Variants in PSD3 observed in about 807,000 individuals in gnomAD.
PSD3 encodes pleckstrin and Sec7 domain containing 3, also known as PH and SEC7 domain-containing protein 3.
A neutral mutation model predicts 105.5 loss-of-function variants in PSD3; 49 were observed. The ratio of observed to expected loss-of-function variants is 0.46; its 90% CI spans 0.37 to 0.59. PSD3 has a LOEUF of 0.59. PSD3 is among the 20% of genes least tolerant of loss of function. The pLI, the probability that PSD3 is intolerant of heterozygous loss-of-function variation, is 0.00. For missense variants in PSD3, 1,561 were observed against 1,263.8 expected (o/e 1.24, Z -3.57); for synonymous variants, 557 against 457.8 (o/e 1.22, Z -2.77).
chr8:19,010,269 C>G (rs1467440036), intron 1 of PSD3, among the ~76,000 whole-genome samples: 1 of 152,168 alleles, frequency 6.6e-6, no homozygotes, highest in African/African-American at 2.4e-5. Flanking sequence ...AGAAAATGCT[C>G]TGCCACCTCT....
At chr8:18,814,649 AG>A (rs1163816748) in intron 4 of PSD3, among the ~76,000 whole-genome samples, 5 of 152,236 alleles carry the variant, frequency 3.3e-5, no homozygotes, top group Admixed American at 1.3e-4. Flanking sequence ...ATCCAGCTTT[AG>A]AAATAGAAAT....
At chr8:18,886,094 A>T (rs1818434356) in intron 2 of PSD3, among the ~76,000 whole-genome samples, 1 of 152,078 alleles carries the variant, frequency 6.6e-6, no homozygotes, top group African/African-American at 2.4e-5. Flanking sequence ...CTAAAACTGG[A>T]GGGGTAGCCT....
intron 2 of PSD3, among the ~76,000 whole-genome samples, chr8:18,898,130 A>T (rs1819273182): frequency 6.6e-6 from 1 of 152,162 alleles, no homozygotes; most frequent in African/African-American, 2.4e-5. Flanking sequence ...GAGTTTGATT[A>T]AAGTGCAGTT....
intron 9 of PSD3, among the ~76,000 whole-genome samples, chr8:18,664,545 T>G (rs1809577912): frequency 6.6e-6 from 1 of 152,178 alleles, no homozygotes; most frequent in African/African-American, 2.4e-5. Flanking sequence ...GCAGACCCTG[T>G]AATATAAAAG....
At chr8:18,543,591 C>T (rs1454512536) in intron 15 of PSD3, among the ~76,000 whole-genome samples, 1 of 151,618 alleles carries the variant, frequency 6.6e-6, no homozygotes, top group African/African-American at 2.4e-5. Flanking sequence ...GCACTCCAGC[C>T]TGGGCGACAG....
At chr8:18,712,955 C>T (rs193170023) in intron 9 of PSD3, among the ~76,000 whole-genome samples, 5 of 152,262 alleles carry the variant, frequency 3.3e-5, no homozygotes, top group Admixed American at 3.3e-4. Flanking sequence ...TTGGCTTCAT[C>T]CCTGGAATGC....
At chr8:18,537,448 C>T (rs775111694) in intron 15 of PSD3, among the ~76,000 whole-genome samples, 3 of 152,092 alleles carry the variant, frequency 2.0e-5, no homozygotes, top group Admixed American at 6.6e-5. Context: ...TGTTGTTTGG[C>T]CAGTCAAAGG....
intron 4 of PSD3, among the ~76,000 whole-genome samples, chr8:18,809,874 A>G (rs1811546429): frequency 6.6e-6 from 1 of 152,180 alleles, no homozygotes. Flanking sequence ...AAACAAAAAC[A>G]AAAACACAAA....
At chr8:18,773,783 A>G (rs2129444588) in intron 8 of PSD3, among the ~76,000 whole-genome samples, 1 of 152,260 alleles carries the variant, frequency 6.6e-6, no homozygotes, top group South Asian at 2.1e-4. Context: ...TTCTTTACAT[A>G]CATATACAAA....
rs78665408 is a variant in PSD3 at position 19,022,659 on chromosome 8, T to G, written c.324+61547A>C. On this transcript the variant is annotated intron_variant, in intron 1 of 1. Coordinates refer to the PSD3 transcript ENST00000521475. ...TCTTCAGTGTTTTCCAGGAACCATTTGGGATTTCTCCAACAGGTCTCTTTG... is the reference window on the plus strand; with the variant it reads ...TCTTCAGTGTTTTCCAGGAACCATTGGGGATTTCTCCAACAGGTCTCTTTG... 2.6e-3 allele frequency among the ~76,000 whole-genome samples: 398 copies of G among 152,294 alleles called. 2 individuals are homozygous for G. In the Middle Eastern group the frequency reaches 0.034, roughly 13 times the overall value.
chr8:18,871,101 T>C (rs10113424), intron 3 of PSD3, among the ~76,000 whole-genome samples: 92 of 152,240 alleles, frequency 6.0e-4, no homozygotes, highest in African/African-American at 2.1e-3. Flanking sequence ...CCTGTCTCTG[T>C]ATAAATAAAT....
intron 15 of PSD3, among the ~76,000 whole-genome samples, chr8:18,538,217 G>A (rs1190134152): frequency 6.6e-6 from 1 of 152,194 alleles, no homozygotes; most frequent in African/African-American, 2.4e-5. Flanking sequence ...ATCAAGTATT[G>A]TTATTTGCAG....
chr8:18,707,611 A>G (rs1434773703), intron 9 of PSD3, among the ~76,000 whole-genome samples: 1 of 152,220 alleles, frequency 6.6e-6, no homozygotes, highest in Non-Finnish European at 1.5e-5. Context: ...TCCAGATGAG[A>G]CAGCAAAGCT....
rs546055841 is a variant in PSD3, at chr8:19,073,488, T to C, written c.324+10718A>G. Among the ~76,000 whole-genome samples, 3 of 132,234 alleles carry C rather than the reference T, an allele frequency of 2.3e-5. No homozygotes were observed. In the South Asian group the frequency reaches 7.4e-4, roughly 33 times the overall value. 86.8% of individuals were successfully genotyped at this position (132,234 alleles called of 152,430 possible). On this transcript the variant is annotated intron_variant, in intron 1 of 1. Transcript: ENST00000521475. ...ATCGCTTGAACTCAGGAGGTGGAGG[T>C]TGCAGTGAGCCGAGATCACGACACT...
chr8:18,867,639 C>G (rs1817033355), intron 4 of PSD3, 35 bp downstream of exon 4: 2 of 1,546,578 alleles, frequency 1.3e-6, no homozygotes, highest in Non-Finnish European at 1.7e-6. Flanking sequence ...CTACAAAAAC[C>G]ACCAGCATGA....
intron 4 of PSD3, among the ~76,000 whole-genome samples, chr8:18,865,938 T>C (rs930797319): frequency 5.9e-5 from 9 of 152,326 alleles, no homozygotes; most frequent in African/African-American, 2.2e-4. Flanking sequence ...GACAACCTCC[T>C]GTTCTAAGTG....
chr8:18,775,693 T>C (rs1452853660), intron 8 of PSD3, among the ~76,000 whole-genome samples: 1 of 152,176 alleles, frequency 6.6e-6, no homozygotes, highest in East Asian at 1.9e-4. Flanking sequence ...TATTTGACCA[T>C]TTGCTGTTGA....
intron 9 of PSD3, among the ~76,000 whole-genome samples, chr8:18,732,060 G>A (rs968285709): frequency 6.6e-6 from 1 of 151,940 alleles, no homozygotes; most frequent in Non-Finnish European, 1.5e-5. Context: ...ACAACTAGAA[G>A]AAAATGGTAT....
chr8:19,008,262 G>A (rs1826790373), intron 1 of PSD3, among the ~76,000 whole-genome samples: 5 of 152,206 alleles, frequency 3.3e-5, no homozygotes, highest in Admixed American at 3.3e-4. Flanking sequence ...AAGTAACTTT[G>A]CTATTCAAAC....
Sources: allele counts gnomAD v4.1 joint callset (sites outside exome capture counted in the v4.1 genomes callset), GRCh38; gene constraint gnomAD v4.1.1; transcripts MANE v1.5; gene names NCBI Gene and HGNC (gene_info 2026-07-23, HGNC 2026-07-21).